NELL1: variants seen among roughly 807,000 people sequenced by gnomAD.
NELL1 encodes neural EGFL like 1, also known as protein kinase C-binding protein NELL1.
A neutral mutation model predicts 107.4 loss-of-function variants in NELL1; 76 were observed. The ratio of observed to expected loss-of-function variants is 0.71; its 90% CI spans 0.59 to 0.86. The LOEUF (loss-of-function observed/expected upper bound fraction) is 0.86, where lower values mean the gene tolerates loss of function less well. Among genes scored for constraint, NELL1 ranks in the 40% least tolerant of loss-of-function variants. NELL1 has a pLI of 0.00. For missense variants in NELL1, 1,024 were observed against 1,005.5 expected (o/e 1.02, Z -0.25); for synonymous variants, 353 against 341.2 (o/e 1.03, Z -0.38).
At chr11:21,359,428 C>T (rs1286613435) in intron 14 of NELL1, among the ~76,000 whole-genome samples, 1 of 152,130 alleles carries the variant, frequency 6.6e-6, no homozygotes, top group Non-Finnish European at 1.5e-5. Context: ...AAGATGTATG[C>T]ATCTATGTTC....
At chr11:21,514,196 G>C (rs1052521792) in intron 15 of NELL1, among the ~76,000 whole-genome samples, 2 of 152,014 alleles carry the variant, frequency 1.3e-5, no homozygotes, top group Admixed American at 1.3e-4. Context: ...ATACATTAAA[G>C]AAAATAGTTT....
intron 2 of NELL1, among the ~76,000 whole-genome samples, chr11:20,780,473 C>CTGTTT (rs1422190512): frequency 6.6e-6 from 1 of 152,086 alleles, no homozygotes; most frequent in Non-Finnish European, 1.5e-5. Context: ...TATTGGATGC[C>CTGTTT]TGTTTTGTGC....
intron 7 of NELL1, among the ~76,000 whole-genome samples, chr11:20,923,268 A>T (rs1830791858): frequency 6.6e-6 from 1 of 152,102 alleles, no homozygotes; most frequent in African/African-American, 2.4e-5. Flanking sequence ...GAGCTCATTG[A>T]TCCTTTTCTC....
intron 13 of NELL1, among the ~76,000 whole-genome samples, chr11:21,118,235 G>T (rs2133737093): frequency 6.6e-6 from 1 of 152,096 alleles, no homozygotes; most frequent in Non-Finnish European, 1.5e-5. Flanking sequence ...GGGGGCTGTG[G>T]GAATTGACTG....
rs1305301675 is a variant in NELL1, at chr11:21,167,529, C to G, written c.1426+53815C>G. On this transcript the variant is annotated intron_variant, in intron 13 of 19. Transcript: ENST00000357134. ...TTAAGAAATAGGGAACTTTTCCTGCCTTACTTTAGATACTGCAGTTCTCTT... is the reference window on the plus strand; with the variant it reads ...TTAAGAAATAGGGAACTTTTCCTGCGTTACTTTAGATACTGCAGTTCTCTT... Among the ~76,000 whole-genome samples, 4 of 151,800 alleles carry G rather than the reference C, an allele frequency of 2.6e-5. 1 individual carries two copies. Among genetic ancestry groups the G allele is most frequent in the African/African-American group, 4.9e-5 (2 of 41,110 alleles).
intron 14 of NELL1, among the ~76,000 whole-genome samples, chr11:21,259,264 T>C (rs34021552): frequency 0.043 from 6,572 of 151,920 alleles, 178 homozygotes; most frequent in Admixed American, 0.072. Context: ...AACTGTACAA[T>C]TCTATTGTGC....
rs567632493 is a variant in NELL1 at position 21,277,238 on chromosome 11, G to A, written c.1549+47784G>A. Among the ~76,000 whole-genome samples the A allele has an allele frequency of 1.8e-4, 28 of 152,286 alleles. No individual in the cohort carries two copies. In the East Asian group the frequency reaches 4.2e-3, roughly 23 times the overall value. Reference sequence around the variant, plus strand: ...ACAGCCCCATCAAAAAGTGGGTGAAGGATATGAACAGACACTTCTCAAAAG... The same window carrying A: ...ACAGCCCCATCAAAAAGTGGGTGAAAGATATGAACAGACACTTCTCAAAAG... On this transcript the variant is annotated intron_variant, in intron 14 of 19. Coordinates refer to ENST00000357134, the MANE Select transcript of NELL1 (RefSeq NM_006157.5).
intron 14 of NELL1, among the ~76,000 whole-genome samples, chr11:21,334,923 C>T (rs1850356650): frequency 6.6e-6 from 1 of 151,782 alleles, no homozygotes; most frequent in Admixed American, 6.6e-5. Context: ...CCTAGCTGTC[C>T]CAGAGCAGGA....
intron 1 of NELL1, among the ~76,000 whole-genome samples, chr11:20,674,289 T>C (rs961286401): frequency 6.6e-6 from 1 of 152,148 alleles, no homozygotes; most frequent in Non-Finnish European, 1.5e-5. Context: ...TCCAGTGGAA[T>C]TGAGGACCAG....
intron 2 of NELL1, among the ~76,000 whole-genome samples, chr11:20,688,208 G>A (rs1445285212): frequency 6.6e-6 from 1 of 151,962 alleles, no homozygotes; most frequent in African/African-American, 2.4e-5. Context: ...AATTAAAAAA[G>A]TTTTCTCTTT....
chr11:21,052,722 A>G (rs796073712), intron 12 of NELL1, among the ~76,000 whole-genome samples: 7 of 152,220 alleles, frequency 4.6e-5, no homozygotes, highest in African/African-American at 1.7e-4. Flanking sequence ...CTGAGTGAGG[A>G]GAAGCCCCCA....
intron 14 of NELL1, among the ~76,000 whole-genome samples, chr11:21,352,633 G>C (rs1239465816): frequency 6.6e-6 from 1 of 152,102 alleles, no homozygotes; most frequent in African/African-American, 2.4e-5. Context: ...ATTGGGGATG[G>C]CCCTTAATTG....
rs75279223 is a variant in NELL1 at position 20,881,133 on chromosome 11, G to A, written c.507-4311G>A. 4.2e-3 allele frequency among the ~76,000 whole-genome samples: 636 copies of A among 152,210 alleles called. 4 individuals carry two copies. Among genetic ancestry groups the A allele is most frequent in the African/African-American group, 0.014 (601 of 41,524 alleles). Reference sequence around the variant, plus strand: ...TGAACTTGTTTCCCCTTTTCCTTCTGATAAGTAAGCCTAGTTAGGAATTTT... The same window carrying A: ...TGAACTTGTTTCCCCTTTTCCTTCTAATAAGTAAGCCTAGTTAGGAATTTT... On this transcript the variant is annotated intron_variant, in intron 4 of 19. Transcript: ENST00000357134.
At position 21,269,350 on chromosome 11, in the gene NELL1, C is replaced by CT. The variant is rs1848694690; in HGVS notation, c.1549+39896_1549+39897insT. Among the ~76,000 whole-genome samples, 3 of 147,656 alleles carry CT rather than the reference C, an allele frequency of 2.0e-5. No individual in the cohort carries two copies. In the South Asian group the frequency reaches 6.5e-4, roughly 32 times the overall value. On this transcript the variant is annotated intron_variant, in intron 14 of 19. Transcript: ENST00000357134. ...AGGATAAATGCCAAATTGCCAAATCCCTCTCTCTCTCTCTCTCTCTCTCTC... is the reference window on the plus strand; with the variant it reads ...AGGATAAATGCCAAATTGCCAAATCCTCTCTCTCTCTCTCTCTCTCTCTCTC...
intron 13 of NELL1, among the ~76,000 whole-genome samples, chr11:21,133,342 A>G (rs1855667522): frequency 6.6e-6 from 1 of 152,162 alleles, no homozygotes; most frequent in South Asian, 2.1e-4. Flanking sequence ...TCCAGTTGGC[A>G]GAACTGACAG....
chr11:21,094,933 T>C (rs1854605925), intron 12 of NELL1, among the ~76,000 whole-genome samples: 1 of 152,026 alleles, frequency 6.6e-6, no homozygotes, highest in Non-Finnish European at 1.5e-5. Context: ...CTTATGCAAA[T>C]TTCTGCAGCT....
chr11:21,358,480 A>T (rs1590866375), intron 14 of NELL1, among the ~76,000 whole-genome samples: 1 of 149,238 alleles, frequency 6.7e-6, no homozygotes, highest in South Asian at 2.1e-4. Context: ...GCTCACTGCA[A>T]CCTCTGCTCC....
At chr11:21,194,667 C>T (rs76643677) in intron 13 of NELL1, among the ~76,000 whole-genome samples, 9,614 of 152,108 alleles carry the variant, frequency 0.063, 387 homozygotes, top group Non-Finnish European at 0.094. Context: ...CAAGACCTAC[C>T]GAATCAGCAA....
chr11:20,830,280 C>A (rs1294187666), intron 3 of NELL1, among the ~76,000 whole-genome samples: 1 of 151,562 alleles, frequency 6.6e-6, no homozygotes, highest in African/African-American at 2.4e-5. Flanking sequence ...AGTTTTTTTC[C>A]AGCCCTCAAC....
Sources: gnomAD v4.1 joint callset for allele counts (sites outside exome capture counted in the v4.1 genomes callset) on GRCh38, gnomAD v4.1.1 for gene constraint, MANE v1.5 for transcripts, NCBI Gene and HGNC (gene_info 2026-07-23, HGNC 2026-07-21) for gene names.